The following NMT1 variants were observed in gnomAD, a reference collection of about 807,000 sequenced individuals.
NMT1 encodes the protein glycylpeptide N-tetradecanoyltransferase 1.
Under a neutral mutation model 63.4 loss-of-function variants are expected in NMT1, and 12 were observed. That is an observed-to-expected ratio of 0.19 (90% confidence interval 0.12 to 0.31). The LOEUF (loss-of-function observed/expected upper bound fraction) is 0.31. Ranked by LOEUF, NMT1 falls within the 10% of genes least tolerant of loss-of-function variation. The probability of loss-of-function intolerance (pLI) is 1.00; values close to 1 mark genes in which losing one functional copy is unlikely to be tolerated. For synonymous variants in NMT1, 228 were observed against 234.3 expected (o/e 0.97, Z 0.25); for missense variants, 432 against 634.6 (o/e 0.68, Z 3.43).
Position 45,103,590 on chromosome 17 carries a change from C to A in NMT1, c.1165-119C>A. The A allele has an allele frequency of 1.9e-6, 2 of 1,027,632 alleles. No individual in the cohort carries two copies. The highest frequency in any genetic ancestry group is 4.4e-5 in the Admixed American group (2 of 45,004). 63.7% of individuals were successfully genotyped at this position (1,027,632 alleles called of 1,614,324 possible). On this transcript the variant is annotated intron_variant, in intron 9 of 11. Transcript: ENST00000258960. The surrounding 1 kb of genome is among the most constrained non-coding windows in gnomAD (Gnocchi z 4.8). ...CTCCCCACATGTCCTGTTGCAGTTT[C>A]CAGCCATTTATCTAGAGGGGCAGAG...
At chr17:45,091,186 TGA>T (rs1491410023) in intron 3 of NMT1, among the ~76,000 whole-genome samples, 1 of 71,810 alleles carries the variant, frequency 1.4e-5, no homozygotes, top group Non-Finnish European at 3.1e-5. Flanking sequence ...AGGTCTTTCC[TGA>T]CACACACACA....
Position 45,103,956 on chromosome 17 carries a change from C to T in NMT1, c.1332+80C>T. 4 of 1,602,698 alleles carry T rather than the reference C, an allele frequency of 2.5e-6. No individual in the cohort carries two copies. Among genetic ancestry groups the T allele is most frequent in the Non-Finnish European group, 2.5e-6 (3 of 1,179,746 alleles). Reference sequence around the variant, plus strand: ...CATGGTGAGCACAGCTCCCGGGACGCAGCCTCCCATGGGCTGGAGGCTCTG... The same window carrying T: ...CATGGTGAGCACAGCTCCCGGGACGTAGCCTCCCATGGGCTGGAGGCTCTG... On this transcript the variant is annotated intron_variant, in intron 10 of 11. Transcript: ENST00000258960. This position sits in a 1 kb window ranked among gnomAD's most constrained non-coding sequence, Gnocchi z 4.8.
chr17:45,100,223 G>A (rs918308062), intron 8 of NMT1, among the ~76,000 whole-genome samples: 16 of 152,070 alleles, frequency 1.1e-4, no homozygotes, highest in Admixed American at 7.9e-4. Context: ...CAAGTAGCTG[G>A]GACTACAGGC....
Position 45,099,429 on chromosome 17 carries a change from A to G in NMT1, c.909A>G (p.Pro303=), listed in dbSNP as rs2054146913. The G allele has an allele frequency of 6.2e-7, 1 of 1,613,724 alleles. No individual in the cohort carries two copies. Among genetic ancestry groups the G allele is most frequent in the Admixed American group, 1.7e-5 (1 of 60,000 alleles). Residue 303 remains proline, a synonymous_variant, in exon 8 of 12, where the codon CCA becomes CCG. Coordinates refer to ENST00000258960, the MANE Select transcript of NMT1 (RefSeq NM_021079.5). ...TCRYWHRSLN[P]RKLIEVKFSH... ...GGTATTGGCATCGGTCCCTAAACCC[A>G]CGGAAGCTGATTGAAGTGAAGTTCT... is the stretch of plus-strand genomic sequence containing the variant.
At chr17:45,098,574 G>A in intron 7 of NMT1, 22 bp downstream of exon 7, 2 of 1,610,704 alleles carry the variant, frequency 1.2e-6, no homozygotes, top group Non-Finnish European at 1.7e-6. Context: ...TTCCTGTAAG[G>A]CCCCAAAAAT....
At chr17:45,102,016 C>G (rs1007469616) in intron 8 of NMT1, among the ~76,000 whole-genome samples, 2 of 152,230 alleles carry the variant, frequency 1.3e-5, no homozygotes, top group Non-Finnish European at 2.9e-5. Context: ...GGTGGAAACC[C>G]CAGCATGGCT....
intron 3 of NMT1, among the ~76,000 whole-genome samples, chr17:45,089,111 C>A (rs1385766467): frequency 1.3e-5 from 2 of 152,222 alleles, no homozygotes; most frequent in Non-Finnish European, 2.9e-5. Context: ...AAAAGTGCCA[C>A]CTTGGCAGGC....
intron 1 of NMT1, among the ~76,000 whole-genome samples, chr17:45,062,312 C>T (rs1166701564): frequency 1.3e-5 from 2 of 152,212 alleles, no homozygotes; most frequent in African/African-American, 4.8e-5. Flanking sequence ...GCTTATTCAT[C>T]TTTCTTCACA....
chr17:45,081,033 G>A lies in NMT1; in HGVS notation c.132-611G>A, dbSNP rs144619581. Among the ~76,000 whole-genome samples the A allele has an allele frequency of 5.2e-3, 796 of 152,384 alleles. 1 individual carries two copies. The highest frequency in any genetic ancestry group is 9.1e-3 in the Non-Finnish European group (618 of 68,042). ...TCCACCTGCCTCGGCCTCCCAAAGT[G>A]TTGGGATTACAGGTGTGAGCTACCA... On this transcript the variant is annotated intron_variant, in intron 1 of 11. Coordinates refer to ENST00000258960, the MANE Select transcript of NMT1 (RefSeq NM_021079.5).
At chr17:45,071,867 G>A (rs12601652) in intron 1 of NMT1, among the ~76,000 whole-genome samples, 16,396 of 152,148 alleles carry the variant, frequency 0.11, 990 homozygotes, top group Middle Eastern at 0.18. Context: ...CTCAGTAGCT[G>A]GGACTACAAG....
intron 1 of NMT1, among the ~76,000 whole-genome samples, chr17:45,074,553 TC>T (rs1241330184): frequency 6.6e-6 from 1 of 152,144 alleles, no homozygotes; most frequent in African/African-American, 2.4e-5. Flanking sequence ...TCTGCTCTGT[TC>T]CTGGATCTTT....
chr17:45,065,348 G>A (rs1188994197), intron 1 of NMT1, among the ~76,000 whole-genome samples: 2 of 152,076 alleles, frequency 1.3e-5, no homozygotes, highest in Non-Finnish European at 2.9e-5. Context: ...CAGAGGCAGG[G>A]CATGGTGGCT....
intron 4 of NMT1, among the ~76,000 whole-genome samples, chr17:45,094,494 CAAA>C (rs777448458): frequency 9.5e-6 from 1 of 105,784 alleles, no homozygotes. Context: ...CTCTTTGTCT[CAAA>C]AAAAAAAAAA....
intron 1 of NMT1, among the ~76,000 whole-genome samples, chr17:45,080,688 C>G (rs2143478914): frequency 6.6e-6 from 1 of 151,664 alleles, no homozygotes; most frequent in Admixed American, 6.6e-5. Flanking sequence ...CCAGGATGGT[C>G]TTGATCTCCT....
In NMT1 at chr17:45,089,390, T is replaced by C. The variant is rs374860670; in HGVS notation, c.385+2738T>C. On this transcript the variant is annotated intron_variant, in intron 3 of 11. Transcript: ENST00000258960. ...CAGAGTCTCACTCTGTCGCCCAGGC[T>C]GGAGTGCAGTGGCGTTTTCTCGGCT... is the stretch of plus-strand genomic sequence containing the variant. Among the ~76,000 whole-genome samples the C allele has an allele frequency of 6.6e-5, 10 of 152,300 alleles. No individual in the cohort carries two copies. In the East Asian group the frequency reaches 1.5e-3, roughly 23 times the overall value.
chr17:45,069,259 AG>A (rs2053924127), intron 1 of NMT1, among the ~76,000 whole-genome samples: 1 of 127,900 alleles, frequency 7.8e-6, no homozygotes. Context: ...ATGCCTGGCC[AG>A]ACTTTATTTT....
At chr17:45,093,398 A>G (rs935114080) in intron 3 of NMT1, among the ~76,000 whole-genome samples, 1 of 152,254 alleles carries the variant, frequency 6.6e-6, no homozygotes, top group African/African-American at 2.4e-5. Context: ...CCAAATTACT[A>G]AAGATAAATG....
intron 3 of NMT1, among the ~76,000 whole-genome samples, chr17:45,087,043 C>T (rs1175225312): frequency 1.3e-5 from 2 of 151,616 alleles, no homozygotes; most frequent in African/African-American, 4.9e-5. Flanking sequence ...CACCTGTAGT[C>T]CCAGCTACTC....
In NMT1 at chr17:45,107,392, C is replaced by T. The variant is rs2054209376; in HGVS notation, c.*1753C>T. 6.5e-6 allele frequency: 1 copy of T among 152,692 alleles called. No individual in the cohort carries two copies. The highest frequency in any genetic ancestry group is 1.5e-5 in the Non-Finnish European group (1 of 68,054). 9.5% of individuals were successfully genotyped at this position (152,692 alleles called of 1,614,324 possible). A position where few individuals can be genotyped will look rare whatever the true frequency, so the allele number is the denominator to read the frequency against. The stretch of plus-strand genomic sequence containing the variant: ...CAGGGCCCTCCCTTTTCCCATTGTT[C>T]CTGCGCTGCAAATTGCAGGCCCCAG... On this transcript the variant is annotated 3_prime_UTR_variant, in exon 12 of 12. Coordinates refer to ENST00000258960, the MANE Select transcript of NMT1 (RefSeq NM_021079.5).
Sources: gnomAD v4.1 joint callset for allele counts (sites outside exome capture counted in the v4.1 genomes callset) on GRCh38, gnomAD v4.1.1 for gene constraint, Gnocchi (gnomAD v3.1) non-coding constraint, MANE v1.5 for transcripts, NCBI Gene and HGNC (gene_info 2026-07-23, HGNC 2026-07-21) for gene names.